The following CCDC30 variants were observed in gnomAD, a reference collection of about 807,000 sequenced individuals.
The protein encoded by CCDC30 is coiled-coil domain containing 30, also known as coiled-coil domain-containing protein 30.
In CCDC30, 70 loss-of-function variants were observed where a neutral mutation model predicts 100.2. The ratio of observed to expected loss-of-function variants is 0.70; its 90% CI spans 0.58 to 0.85. The LOEUF (loss-of-function observed/expected upper bound fraction) is 0.85, where lower values mean the gene tolerates loss of function less well. Among genes scored for constraint, CCDC30 ranks in the 40% least tolerant of loss-of-function variants. CCDC30 has a pLI of 0.00. For missense variants in CCDC30, 652 were observed against 771.2 expected (o/e 0.85, Z 1.83); for synonymous variants, 233 against 269.5 (o/e 0.86, Z 1.33).
intron 6 of CCDC30, among the ~76,000 whole-genome samples, chr1:42,554,737 A>G (rs1185088054): frequency 6.6e-6 from 1 of 152,198 alleles, no homozygotes. Flanking sequence ...TCTCCTTGTC[A>G]TCCACACTCT....
intron 11 of CCDC30, among the ~76,000 whole-genome samples, chr1:42,631,317 T>G (rs1218832926): frequency 6.6e-6 from 1 of 152,202 alleles, no homozygotes; most frequent in African/African-American, 2.4e-5. Flanking sequence ...TTCCCTTACT[T>G]TCTCCTAGAC....
chr1:42,584,243 T>C (rs1344035016), intron 9 of CCDC30, among the ~76,000 whole-genome samples: 1 of 152,162 alleles, frequency 6.6e-6, no homozygotes, highest in Non-Finnish European at 1.5e-5. Context: ...AGTCAAAATG[T>C]TACAAAGCTA....
intron 9 of CCDC30, among the ~76,000 whole-genome samples, chr1:42,584,049 G>A (rs566587395): frequency 2.0e-5 from 3 of 152,298 alleles, no homozygotes; most frequent in Non-Finnish European, 2.9e-5. Flanking sequence ...TGGCTGTTGC[G>A]TCATGCCAAG....
At chr1:42,510,339 C>G (rs1017835374) in intron 6 of CCDC30, among the ~76,000 whole-genome samples, 1 of 152,038 alleles carries the variant, frequency 6.6e-6, no homozygotes, top group African/African-American at 2.4e-5. Flanking sequence ...GCATAATATC[C>G]CTTTGTGAGA....
At chr1:42,641,527 G>A (rs1647390905) in intron 12 of CCDC30, among the ~76,000 whole-genome samples, 1 of 151,208 alleles carries the variant, frequency 6.6e-6, no homozygotes, top group South Asian at 2.1e-4. Context: ...CCCCAGTCTG[G>A]ATGACAGAGC....
intron 11 of CCDC30, among the ~76,000 whole-genome samples, chr1:42,622,058 A>C (rs1248340613): frequency 1.3e-5 from 2 of 152,152 alleles, no homozygotes; most frequent in Non-Finnish European, 2.9e-5. Flanking sequence ...AGTCATACGC[A>C]TTAACCATCC....
chr1:42,603,977 T>C (rs1646455474), intron 10 of CCDC30, among the ~76,000 whole-genome samples: 1 of 152,172 alleles, frequency 6.6e-6, no homozygotes, highest in African/African-American at 2.4e-5. Flanking sequence ...TCTAGGACTT[T>C]AGAAGGCTGA....
intron 9 of CCDC30, among the ~76,000 whole-genome samples, chr1:42,588,462 C>G (rs538255171): frequency 6.8e-4 from 104 of 152,204 alleles, no homozygotes; most frequent in Non-Finnish European, 1.2e-3. Flanking sequence ...GCTTATATAC[C>G]CATTTCCAGG....
At chr1:42,604,863 C>T (rs1437169107) in intron 10 of CCDC30, among the ~76,000 whole-genome samples, 1 of 152,156 alleles carries the variant, frequency 6.6e-6, no homozygotes, top group Non-Finnish European at 1.5e-5. Context: ...AGGGATTGAA[C>T]AAGAAGAGGC....
intron 10 of CCDC30, chr1:42,589,702 A>G (rs752367937): frequency 1.1e-5 from 4 of 365,154 alleles, no homozygotes; most frequent in Non-Finnish European, 2.0e-5. Context: ...TAGAGTCAGA[A>G]AGGACTGCTG....
At position 42,650,497 on chromosome 1, in the gene CCDC30, A is replaced by ATGTGTGTGTGTGTG. The variant is rs57051349; in HGVS notation, c.1855-2849_1855-2836dup. ...CAAGACCCTGTCTAAAAAAATATAT[A>ATGTGTGTGTGTGTG]TGTGTGTGTGTGTGTGTGTGTGTGT... On this transcript the variant is annotated intron_variant, in intron 15 of 16. Coordinates refer to ENST00000668663, the Ensembl canonical transcript of CCDC30. 4.1e-3 allele frequency among the ~76,000 whole-genome samples: 562 copies of ATGTGTGTGTGTGTG among 136,272 alleles called. 6 individuals carry two copies. The highest frequency in any genetic ancestry group is 6.7e-3 in the Non-Finnish European group (429 of 64,064). The allele number at this position is 136,272 out of a possible 152,430, so 89.4% of individuals were successfully genotyped here. A position where few individuals can be genotyped will look rare whatever the true frequency, so the allele number is the denominator to read the frequency against.
At chr1:42,571,947 G>A (rs1217265503) in intron 7 of CCDC30, among the ~76,000 whole-genome samples, 2 of 152,172 alleles carry the variant, frequency 1.3e-5, no homozygotes, top group Non-Finnish European at 2.9e-5. Flanking sequence ...ATTCTTTCTT[G>A]AGTAGCAAGA....
chr1:42,460,456 AAAG>A (rs1569628640), upstream of CCDC30: 2 of 838,046 alleles, frequency 2.4e-6, no homozygotes, highest in African/African-American at 1.8e-5. Flanking sequence ...TAGTAGTAGG[AAAG>A]AAGGATACCT....
At chr1:42,513,995 A>G (rs1158830398) in intron 6 of CCDC30, among the ~76,000 whole-genome samples, 2 of 152,298 alleles carry the variant, frequency 1.3e-5, no homozygotes, top group Non-Finnish European at 2.9e-5. Flanking sequence ...GAGGGTACTA[A>G]GCCATTCATG....
At chr1:42,470,549 G>A (rs2148439778) in intron 1 of CCDC30, among the ~76,000 whole-genome samples, 1 of 152,296 alleles carries the variant, frequency 6.6e-6, no homozygotes, top group East Asian at 1.9e-4. Context: ...TTGAAAGGTG[G>A]AAACAACTCC....
At chr1:42,517,413 T>A (rs1644571641) in intron 6 of CCDC30, among the ~76,000 whole-genome samples, 1 of 152,246 alleles carries the variant, frequency 6.6e-6, no homozygotes, top group South Asian at 2.1e-4. Context: ...CAAAAGTTTT[T>A]AGTTTTTATG....
chr1:42,457,189 G>A, the CCDC30 span: 20 of 1,609,736 alleles, frequency 1.2e-5, no homozygotes, highest in South Asian at 2.2e-4. Flanking sequence ...AGTTGAGAAG[G>A]AGCTGATCCT....
chr1:42,649,352 A>G (rs1648145385), intron 15 of CCDC30, among the ~76,000 whole-genome samples: 1 of 152,262 alleles, frequency 6.6e-6, no homozygotes, highest in African/African-American at 2.4e-5. Context: ...GACAAAAACC[A>G]TATGATCATC....
At chr1:42,576,343 G>C (rs1645837020) in intron 7 of CCDC30, among the ~76,000 whole-genome samples, 1 of 152,158 alleles carries the variant, frequency 6.6e-6, no homozygotes, top group Non-Finnish European at 1.5e-5. Flanking sequence ...GATTGGAATT[G>C]GTTCATAATG....
Sources: allele counts gnomAD v4.1 joint callset (sites outside exome capture counted in the v4.1 genomes callset), GRCh38; gene constraint gnomAD v4.1.1; transcripts MANE v1.5; gene names NCBI Gene and HGNC (gene_info 2026-07-23, HGNC 2026-07-21).